ATP2B2: variants seen among roughly 807,000 people sequenced by gnomAD.
The protein encoded by ATP2B2 is ATPase plasma membrane Ca2+ transporting 2.
ATP2B2 carries 15 observed loss-of-function variants against 120.0 expected under a neutral mutation model. The observed-to-expected ratio is 0.12, with a 90% confidence interval of 0.08 to 0.19. ATP2B2 has a LOEUF of 0.19. ATP2B2 is among the 10% of genes least tolerant of loss of function. ATP2B2 has a pLI of 1.00. For synonymous variants in ATP2B2, 694 were observed against 700.3 expected (o/e 0.99, Z 0.14); for missense variants, 1,045 against 1,719.8 (o/e 0.61, Z 6.94).
chr3:10,537,716 A>G (rs183943791), intron 2 of ATP2B2, among the ~76,000 whole-genome samples: 14 of 152,318 alleles, frequency 9.2e-5, no homozygotes, highest in Admixed American at 9.1e-4. Context: ...ACTATGTTGA[A>G]TATAATGATG....
At chr3:10,609,797 C>T (rs2069180160) in intron 2 of ATP2B2, among the ~76,000 whole-genome samples, 1 of 152,132 alleles carries the variant, frequency 6.6e-6, no homozygotes, top group South Asian at 2.1e-4. Flanking sequence ...CACTGTCATC[C>T]TAAGGGGCTG....
chr3:10,611,961 C>G (rs187548032), intron 2 of ATP2B2, among the ~76,000 whole-genome samples: 1 of 152,262 alleles, frequency 6.6e-6, no homozygotes, highest in East Asian at 1.9e-4. Context: ...CCTGATTACC[C>G]CAGTTAGAAA....
intron 2 of ATP2B2, among the ~76,000 whole-genome samples, chr3:10,543,942 T>C (rs2067490152): frequency 1.3e-5 from 2 of 152,316 alleles, no homozygotes; most frequent in Middle Eastern, 3.4e-3. Context: ...TTTCACCACG[T>C]TGGCCAGGCT....
intron 1 of ATP2B2, 144 bp from the exon 2 acceptor site, chr3:10,450,006 G>C (rs1021368867): frequency 3.5e-6 from 1 of 282,290 alleles, no homozygotes; most frequent in Non-Finnish European, 7.0e-6. Flanking sequence ...AGCTCACACT[G>C]TAAATCCAAT....
intron 1 of ATP2B2, among the ~76,000 whole-genome samples, chr3:10,455,269 C>T (rs1287793393): frequency 1.3e-5 from 2 of 152,144 alleles, no homozygotes; most frequent in Admixed American, 6.5e-5. Context: ...CCTCCACTGC[C>T]CAGTTTCCCC....
intron 1 of ATP2B2, among the ~76,000 whole-genome samples, chr3:10,485,450 G>A (rs2065606891): frequency 6.6e-6 from 1 of 152,148 alleles, no homozygotes. Flanking sequence ...GGAGCTCAGG[G>A]CAAGCCAGGG....
chr3:10,360,237 C>A, intron 12 of ATP2B2, 114 bp from the exon 13 acceptor site: 1 of 1,459,886 alleles, frequency 6.8e-7, no homozygotes, highest in Non-Finnish European at 9.0e-7. Context: ...GGGCTGGGGG[C>A]TGAGCCCTCA....
At chr3:10,398,868 AC>A (rs2062128808) in intron 5 of ATP2B2, among the ~76,000 whole-genome samples, 1 of 151,638 alleles carries the variant, frequency 6.6e-6, no homozygotes, top group Non-Finnish European at 1.5e-5. Context: ...TATTTTTGGC[AC>A]CTCTGTTCCC....
At chr3:10,684,302 C>T (rs758274443) in intron 1 of ATP2B2, among the ~76,000 whole-genome samples, 2 of 152,208 alleles carry the variant, frequency 1.3e-5, no homozygotes, top group African/African-American at 4.8e-5. Context: ...AGCCCTAGAA[C>T]AACTGGTGAC....
At chr3:10,704,774 G>C (rs1450377181) in intron 1 of ATP2B2, among the ~76,000 whole-genome samples, 1 of 152,172 alleles carries the variant, frequency 6.6e-6, no homozygotes, top group African/African-American at 2.4e-5. Flanking sequence ...AAAAGTCTGA[G>C]AAATAAGACA....
intron 2 of ATP2B2, among the ~76,000 whole-genome samples, chr3:10,578,311 C>T (rs532958832): frequency 8.2e-4 from 125 of 152,112 alleles, no homozygotes; most frequent in Middle Eastern, 3.4e-3. Context: ...TCCCACTCCA[C>T]ATAAGAGAAA....
At chr3:10,655,892 A>G (rs974799928) in intron 1 of ATP2B2, among the ~76,000 whole-genome samples, 6 of 152,316 alleles carry the variant, frequency 3.9e-5, no homozygotes, top group African/African-American at 1.4e-4. Flanking sequence ...TTCTTCATCG[A>G]TGCTTTATTT....
intron 2 of ATP2B2, 81 bp downstream of exon 2, chr3:10,449,264 T>C: frequency 5.5e-6 from 8 of 1,453,028 alleles, no homozygotes; most frequent in South Asian, 3.5e-5. Context: ...TGCTGTTACA[T>C]ATTATGAATA....
At chr3:10,344,595 C>T (rs539916757) in intron 18 of ATP2B2, among the ~76,000 whole-genome samples, 1 of 152,336 alleles carries the variant, frequency 6.6e-6, no homozygotes, top group Admixed American at 6.5e-5. Flanking sequence ...CTTGGGGATC[C>T]CCTGGGGCTA....
chr3:10,630,466 T>TC (rs1476003565), intron 1 of ATP2B2, among the ~76,000 whole-genome samples: 1 of 152,204 alleles, frequency 6.6e-6, no homozygotes, highest in East Asian at 1.9e-4. Context: ...TATAATGGCT[T>TC]CCAGCTCCAT....
At chr3:10,529,055 G>A (rs562779652) in intron 3 of ATP2B2, among the ~76,000 whole-genome samples, 1 of 152,370 alleles carries the variant, frequency 6.6e-6, no homozygotes, top group East Asian at 1.9e-4. Context: ...CCAAGCGGGG[G>A]TGATGGGCTC....
intron 2 of ATP2B2, among the ~76,000 whole-genome samples, chr3:10,564,795 C>G (rs2067976907): frequency 6.6e-6 from 1 of 152,128 alleles, no homozygotes; most frequent in Non-Finnish European, 1.5e-5. Flanking sequence ...TCATTTTTTT[C>G]TGATGATAAC....
intron 3 of ATP2B2, among the ~76,000 whole-genome samples, chr3:10,510,707 C>G (rs560820595): frequency 9.2e-5 from 14 of 152,346 alleles, no homozygotes; most frequent in African/African-American, 3.4e-4. Context: ...TGGTGCCTTT[C>G]CTCCTGGAAG....
At chr3:10,623,004 G>A (rs2069592712) in intron 1 of ATP2B2, among the ~76,000 whole-genome samples, 1 of 151,642 alleles carries the variant, frequency 6.6e-6, no homozygotes, top group Admixed American at 6.6e-5. Flanking sequence ...GAAGGTAAAA[G>A]GAAAGGATGT....
Sources: allele counts gnomAD v4.1 joint callset (sites outside exome capture counted in the v4.1 genomes callset), GRCh38; gene constraint gnomAD v4.1.1; transcripts MANE v1.5; gene names NCBI Gene and HGNC (gene_info 2026-07-23, HGNC 2026-07-21).